The following DSCC1 variants were observed in gnomAD, a reference collection of about 807,000 sequenced individuals.
DSCC1 encodes the protein DNA replication and sister chromatid cohesion 1.
A neutral mutation model predicts 48.2 loss-of-function variants in DSCC1; 32 were observed. The ratio of observed to expected loss-of-function variants is 0.66; its 90% CI spans 0.50 to 0.89. The LOEUF (loss-of-function observed/expected upper bound fraction) is 0.89, where lower values mean the gene tolerates loss of function less well. Ranked by LOEUF, DSCC1 falls within the 40% of genes least tolerant of loss-of-function variation. The pLI is 0.00. For missense variants in DSCC1, 421 were observed against 471.7 expected, an observed-to-expected ratio of 0.89 and a Z score of 1.00; for synonymous variants, 150 against 171.5, an observed-to-expected ratio of 0.87 and a Z score of 0.98.
intron 7 of DSCC1, chr8:119,838,735 G>GTT: frequency 5.9e-6 from 1 of 169,768 alleles, no homozygotes; most frequent in Non-Finnish European, 1.2e-5. Flanking sequence ...TTTCTATTTT[G>GTT]TTTTTTTTTC....
intron 6 of DSCC1, 152 bp downstream of exon 6, chr8:119,842,624 G>A: frequency 4.9e-6 from 3 of 618,312 alleles, no homozygotes; most frequent in Non-Finnish European, 2.8e-6. Flanking sequence ...GGGTTCAAGC[G>A]ACCCACCCAC....
Position 119,853,290 on chromosome 8 carries a change from A to G in DSCC1, c.183-75T>C, listed in dbSNP as rs571505796. The G allele has an allele frequency of 1.8e-4, 259 of 1,455,604 alleles. 1 individual carries two copies. The South Asian group carries it at 3.3e-3, about 18-fold the overall frequency. The allele number at this position is 1,455,604 out of a possible 1,614,324, so 90.2% of individuals were successfully genotyped here. On this transcript the variant is annotated intron_variant, in intron 1 of 8. Transcript: ENST00000313655. ...CATTTTCATCATAAACAGTTCTCAA[A>G]CCCTCTAGGCTTGCAGAACTTAGAA...
intron 7 of DSCC1, among the ~76,000 whole-genome samples, chr8:119,841,482 G>A (rs1224939154): frequency 6.6e-6 from 1 of 152,086 alleles, no homozygotes; most frequent in African/African-American, 2.4e-5. Context: ...ACACTGAGTA[G>A]GAAGAGGGAT....
At position 119,853,050 on chromosome 8, in the gene DSCC1, A is replaced by G. The variant is rs1563947642; in HGVS notation, c.348T>C (p.Thr116=). 1.2e-6 allele frequency: 2 copies of G among 1,608,372 alleles called. No homozygotes were observed. Among genetic ancestry groups the G allele is most frequent in the Non-Finnish European group, 1.7e-6 (2 of 1,176,272 alleles). Residue 116 remains threonine, a synonymous_variant, in exon 2 of 9, where the codon ACT becomes ACC. Transcript: ENST00000313655. Reference sequence around the variant, plus strand: ...ATCAGAGTACAGAAAAGAGCACCTCAGTGTGAATAATGTTACAGTGTGAAT... The same window carrying G: ...ATCAGAGTACAGAAAAGAGCACCTCGGTGTGAATAATGTTACAGTGTGAAT... ...KEDSHCNIIH[T]EIFGFSNNYW... is the part of the protein sequence containing the mutation.
intron 4 of DSCC1, among the ~76,000 whole-genome samples, chr8:119,845,211 G>T (rs1205301750): frequency 6.6e-6 from 1 of 151,970 alleles, no homozygotes; most frequent in Non-Finnish European, 1.5e-5. Context: ...TTAGCCTCCT[G>T]AGTAGCTGGG....
chr8:119,842,513 G>A (rs1826788186), intron 6 of DSCC1, among the ~76,000 whole-genome samples: 2 of 152,080 alleles, frequency 1.3e-5, no homozygotes, highest in South Asian at 4.1e-4. Flanking sequence ...TTCCTGAGTA[G>A]CTGGGACTAC....
chr8:119,851,390 T>C (rs1826941669), intron 2 of DSCC1, among the ~76,000 whole-genome samples: 1 of 152,158 alleles, frequency 6.6e-6, no homozygotes, highest in African/African-American at 2.4e-5. Flanking sequence ...ATTTTATCCA[T>C]AGTTAAAAGT....
intron 4 of DSCC1, among the ~76,000 whole-genome samples, chr8:119,844,140 C>CA (rs1826816018): frequency 2.7e-5 from 4 of 150,360 alleles, no homozygotes; most frequent in Admixed American, 2.0e-4. Context: ...TTGCTCACTG[C>CA]AAAAAAGAGA....
In DSCC1 at chr8:119,834,726, C is replaced by T. The variant is rs1037652446; in HGVS notation, c.*167G>A. On this transcript the variant is annotated 3_prime_UTR_variant, in exon 9 of 9. Transcript: ENST00000313655. Reference sequence around the variant, plus strand: ...ACAAATATAATTTTAAAGCTACATCCTATAACATTTAAGAAATAACAGTAG... The same window carrying T: ...ACAAATATAATTTTAAAGCTACATCTTATAACATTTAAGAAATAACAGTAG... 1.9e-5 allele frequency: 12 copies of T among 619,610 alleles called. No individual in the cohort carries two copies. Among genetic ancestry groups the T allele is most frequent in the Non-Finnish European group, 2.6e-5 (9 of 347,718 alleles). The allele number at this position is 619,610 out of a possible 1,614,324, so 38.4% of individuals were successfully genotyped here.
At chr8:119,843,523 T>A in intron 5 of DSCC1, 86 bp downstream of exon 5, 7 of 1,476,632 alleles carry the variant, frequency 4.7e-6, no homozygotes, top group Non-Finnish European at 6.4e-6. Context: ...ATGATTGTAG[T>A]TTATGCCCTG....
At chr8:119,842,431 G>C (rs990477625) in intron 6 of DSCC1, among the ~76,000 whole-genome samples, 2 of 148,138 alleles carry the variant, frequency 1.4e-5, no homozygotes, top group East Asian at 4.1e-4. Flanking sequence ...GCCTAGGCCA[G>C]AGAGCAGTGG....
chr8:119,853,151 A>T lies in DSCC1; in HGVS notation c.247T>A (p.Leu83Met). 6.2e-7 allele frequency: 1 copy of T among 1,614,132 alleles called. No homozygotes were observed. Among genetic ancestry groups the T allele is most frequent in the Non-Finnish European group, 8.5e-7 (1 of 1,179,980 alleles). ...VLCSKDKTYD[L>M]KIADTSNMLL... The stretch of plus-strand genomic sequence containing the variant: ...ATATTGGAAGTGTCTGCTATCTTCA[A>T]GTCGTATGTTTTGTCTTTACTGCAC... The change falls in exon 2 of 9, where the codon TTG (leucine) becomes ATG (methionine). Residue 83 changes from leucine to methionine, a missense_variant. This residue lies in a region of DSCC1 where 174 missense variants were observed against 184.5 expected (regional missense o/e 0.94). Transcript: ENST00000313655.
chr8:119,837,832 G>A (rs1186045432), intron 8 of DSCC1, among the ~76,000 whole-genome samples: 2 of 152,196 alleles, frequency 1.3e-5, no homozygotes, highest in Non-Finnish European at 2.9e-5. Context: ...AGTGTTAGTG[G>A]ATTTCAAGCG....
chr8:119,845,112 T>A (rs1314888379), intron 4 of DSCC1, among the ~76,000 whole-genome samples: 1 of 151,582 alleles, frequency 6.6e-6, no homozygotes, highest in Non-Finnish European at 1.5e-5. Flanking sequence ...TGTGATGGAG[T>A]CTCACTCTGT....
chr8:119,855,575 C>A, intron 1 of DSCC1, 39 bp downstream of exon 1: 1 of 1,518,660 alleles, frequency 6.6e-7, no homozygotes, highest in South Asian at 1.2e-5. Context: ...AATAACGTGG[C>A]CGGCCAGAGG....
chr8:119,853,125 CAT>C lies in DSCC1; in HGVS notation c.271_272del (p.Met91ValfsTer8), dbSNP rs1182988435. On this transcript the variant is annotated frameshift_variant, in exon 2 of 9. Coordinates refer to ENST00000313655, the MANE Select transcript of DSCC1 (RefSeq NM_024094.3). LOFTEE classifies it high-confidence loss of function. ...YDLKIADTSN[M>X]LLFIPGCKTP... ...TTTTACAACCAGGAATGAAAAGCAA[CAT>C]ATTGGAAGTGTCTGCTATCTTCAAG... The C allele has an allele frequency of 6.2e-7, 1 of 1,613,946 alleles. No homozygotes were observed. Among genetic ancestry groups the C allele is most frequent in the Non-Finnish European group, 8.5e-7 (1 of 1,179,966 alleles).
At chr8:119,835,147 G>T (rs6998771) in intron 8 of DSCC1, 146 bp from the exon 9 acceptor site, 1 of 577,822 alleles carries the variant, frequency 1.7e-6, no homozygotes, top group Admixed American at 3.8e-5. Context: ...GATAGGGTGG[G>T]GAGTGGTTCT....
Position 119,855,672 on chromosome 8 carries a change from C to A in DSCC1, c.124G>T (p.Asp42Tyr). Residue 42 changes from aspartate to tyrosine, a missense_variant, in exon 1 of 9, where the codon GAC becomes TAC. Asp to Tyr is a radical substitution (Grantham distance 160). Coordinates refer to ENST00000313655, the MANE Select transcript of DSCC1 (RefSeq NM_024094.3). ...GGCTCCAGCTCCAGCAGGCAGAAGT[C>A]GCCGGCTGCAGCGCCGCTGGCCCCA... ...GPGASGAAAG[D>Y]FCLLELEPTL... 1.3e-6 allele frequency: 2 copies of A among 1,550,350 alleles called. No homozygotes were observed. The highest frequency in any genetic ancestry group is 1.7e-6 in the Non-Finnish European group (2 of 1,147,790).
At chr8:119,850,713 T>A (rs910588030) in intron 2 of DSCC1, among the ~76,000 whole-genome samples, 197 bp from the exon 3 acceptor site, 3 of 152,166 alleles carry the variant, frequency 2.0e-5, no homozygotes, top group African/African-American at 7.2e-5. Context: ...TCAAATCCCC[T>A]TAATAAGATA....
Sources: gnomAD v4.1 joint callset for allele counts (sites outside exome capture counted in the v4.1 genomes callset) on GRCh38, gnomAD v4.1.1 for gene constraint, gnomAD v4.1.1 regional missense constraint, MANE v1.5 for transcripts, NCBI Gene and HGNC (gene_info 2026-07-23, HGNC 2026-07-21) for gene names.